The following CHD9 variants were observed in gnomAD, a reference collection of about 807,000 sequenced individuals.
CHD9 encodes the protein ATP-dependent chromatin remodeler CHD9.
A neutral mutation model predicts 316.1 loss-of-function variants in CHD9; 77 were observed. The ratio of observed to expected loss-of-function variants is 0.24; its 90% CI spans 0.20 to 0.29. The LOEUF is 0.29. CHD9 is among the 10% of genes least tolerant of loss of function. The pLI is 1.00. For synonymous variants in CHD9, 1,129 were observed against 1,158.3 expected (o/e 0.97, Z 0.51); for missense variants, 2,763 against 3,438.1 (o/e 0.80, Z 4.91).
rs372427503 is a variant in CHD9 at position 53,306,208 on chromosome 16, T to A, written c.6620-29T>A. 2.3e-4 allele frequency: 321 copies of A among 1,373,042 alleles called. No homozygotes were observed. In the African/African-American group the frequency reaches 4.3e-3, roughly 18 times the overall value. The allele number at this position is 1,373,042 out of a possible 1,614,324, so 85.1% of individuals were successfully genotyped here. ...ATAAAACTATTTTATGTAGTCTTTT[T>A]AAAAAATGATTATAATTGTTTTTAG... On this transcript the variant is annotated intron_variant, in intron 31 of 38. Coordinates refer to ENST00000447540, the MANE Select transcript of CHD9 (RefSeq NM_001308319.2).
chr16:53,172,072 G>A (rs1567418934), intron 2 of CHD9, among the ~76,000 whole-genome samples: 1 of 151,998 alleles, frequency 6.6e-6, no homozygotes, highest in Non-Finnish European at 1.5e-5. Context: ...CATATTTAAA[G>A]TATAGAATTG....
chr16:53,315,700 A>G (rs904701106), intron 36 of CHD9, among the ~76,000 whole-genome samples: 2 of 152,152 alleles, frequency 1.3e-5, no homozygotes, highest in Non-Finnish European at 1.5e-5. Flanking sequence ...GGCTGGTCTC[A>G]AACTCCTGGC....
intron 24 of CHD9, 22 bp downstream of exon 24, chr16:53,274,324 ATT>A (rs762365484): frequency 6.8e-7 from 1 of 1,466,858 alleles, no homozygotes; most frequent in African/African-American, 1.4e-5. Flanking sequence ...AATTTTTATT[ATT>A]TTTGTTTGTT....
intron 1 of CHD9, among the ~76,000 whole-genome samples, chr16:53,097,471 C>G (rs1395461049): frequency 2.6e-5 from 4 of 151,948 alleles, no homozygotes; most frequent in Admixed American, 2.0e-4. Context: ...ACGATCATAG[C>G]TCACTGCAGC....
chr16:53,236,054 G>A (rs1044059384), intron 11 of CHD9, among the ~76,000 whole-genome samples: 3 of 152,056 alleles, frequency 2.0e-5, no homozygotes, highest in Non-Finnish European at 2.9e-5. Context: ...GGACTCAGTC[G>A]ATGGAAAGAG....
chr16:53,072,259 A>G (rs373405837), intron 1 of CHD9, among the ~76,000 whole-genome samples: 1 of 150,098 alleles, frequency 6.7e-6, no homozygotes, highest in Non-Finnish European at 1.5e-5. Context: ...TCCTATTTCC[A>G]TAGCAACCAA....
At chr16:53,075,425 C>T (rs1019094647) in intron 1 of CHD9, among the ~76,000 whole-genome samples, 15 of 152,120 alleles carry the variant, frequency 9.9e-5, no homozygotes, top group Non-Finnish European at 1.9e-4. Flanking sequence ...TTTGGAGGGG[C>T]CAGGGGCGGA....
rs1179492300 is a variant in CHD9, at chr16:53,307,767, T to C, written c.6867T>C (p.Ala2289=). 3.1e-6 allele frequency: 5 copies of C among 1,613,078 alleles called. No individual in the cohort carries two copies. Among genetic ancestry groups the C allele is most frequent in the Non-Finnish European group, 4.2e-6 (5 of 1,179,516 alleles). ...KWPSARRSYD[A]NTVASFYTTK... is the part of the protein sequence containing the mutation. ...CTTCAGCTAGAAGAAGTTATGATGC[T>C]AACACAGTGGCTTCTTTCTATACCA... Residue 2289 remains alanine (A), a synonymous_variant, in exon 33 of 39, where the codon GCT becomes GCC. Transcript: ENST00000447540.
chr16:53,294,990 T>C (rs1734570568), intron 29 of CHD9, among the ~76,000 whole-genome samples: 1 of 152,222 alleles, frequency 6.6e-6, no homozygotes, highest in South Asian at 2.1e-4. Flanking sequence ...TTCTTTTCCC[T>C]CAGCCAGAGT....
chr16:53,181,055 G>C (rs2043473328), intron 2 of CHD9, among the ~76,000 whole-genome samples: 1 of 149,394 alleles, frequency 6.7e-6, no homozygotes, highest in Admixed American at 6.7e-5. Flanking sequence ...TTGTTGCCCA[G>C]ACTGGAGTGC....
chr16:53,208,996 A>G (rs2046113707), intron 2 of CHD9, among the ~76,000 whole-genome samples: 1 of 152,202 alleles, frequency 6.6e-6, no homozygotes, highest in South Asian at 2.1e-4. Context: ...ATGTTGCTGC[A>G]CTTAAATATT....
chr16:53,164,982 G>A (rs2042175332), intron 2 of CHD9, among the ~76,000 whole-genome samples: 1 of 152,090 alleles, frequency 6.6e-6, no homozygotes, highest in Non-Finnish European at 1.5e-5. Flanking sequence ...ATAAGATTAT[G>A]TGTAAGATGA....
At chr16:53,164,200 C>T (rs1056377907) in intron 2 of CHD9, among the ~76,000 whole-genome samples, 1 of 152,180 alleles carries the variant, frequency 6.6e-6, no homozygotes, top group African/African-American at 2.4e-5. Flanking sequence ...AAAGACCATG[C>T]CTCTCATGTT....
chr16:53,147,403 G>A (rs932554592), intron 1 of CHD9, among the ~76,000 whole-genome samples: 2 of 152,170 alleles, frequency 1.3e-5, no homozygotes, highest in Admixed American at 6.5e-5. Context: ...CAAGTATACA[G>A]CGCAGTGGCA....
intron 1 of CHD9, among the ~76,000 whole-genome samples, chr16:53,104,488 A>G (rs2037153017): frequency 6.6e-6 from 1 of 152,174 alleles, no homozygotes; most frequent in African/African-American, 2.4e-5. Flanking sequence ...TATTTTGAAA[A>G]CAATTCAAAC....
intron 1 of CHD9, among the ~76,000 whole-genome samples, chr16:53,073,251 G>A (rs1266411485): frequency 6.6e-6 from 1 of 152,154 alleles, no homozygotes; most frequent in Non-Finnish European, 1.5e-5. Flanking sequence ...TTTGGTGACT[G>A]GCTAATTTTA....
intron 1 of CHD9, among the ~76,000 whole-genome samples, chr16:53,127,641 A>G (rs1177331131): frequency 6.6e-6 from 1 of 151,638 alleles, no homozygotes; most frequent in Non-Finnish European, 1.5e-5. Flanking sequence ...CCCTTTCTCA[A>G]CGGGCACAGT....
At chr16:53,129,684 C>G (rs2039130960) in intron 1 of CHD9, among the ~76,000 whole-genome samples, 1 of 152,198 alleles carries the variant, frequency 6.6e-6, no homozygotes, top group African/African-American at 2.4e-5. Context: ...TGCACTGGAT[C>G]GGAAATGGTC....
intron 30 of CHD9, among the ~76,000 whole-genome samples, chr16:53,302,709 T>C (rs2055558974): frequency 6.6e-6 from 1 of 152,230 alleles, no homozygotes. Context: ...TATTTATTCA[T>C]ATCAGTATGG....
Sources: gnomAD v4.1 joint callset for allele counts (sites outside exome capture counted in the v4.1 genomes callset) on GRCh38, gnomAD v4.1.1 for gene constraint, MANE v1.5 for transcripts, NCBI Gene and HGNC (gene_info 2026-07-23, HGNC 2026-07-21) for gene names.